The following BRD2 variants were observed in gnomAD, a reference collection of about 807,000 sequenced individuals.
The protein encoded by BRD2 is bromodomain-containing protein 2.
Under a neutral mutation model 79.1 loss-of-function variants are expected in BRD2, and 15 were observed. The observed-to-expected ratio is 0.19, with a 90% CI of 0.13 to 0.29. The LOEUF (loss-of-function observed/expected upper bound fraction) is 0.29, where lower values mean the gene tolerates loss of function less well. Among genes scored for constraint, BRD2 ranks in the 10% least tolerant of loss-of-function variants. The probability of loss-of-function intolerance (pLI) is 1.00; values close to 1 mark genes in which losing one functional copy is unlikely to be tolerated. For synonymous variants in BRD2, 488 were observed against 358.6 expected (o/e 1.36, Z -4.08); for missense variants, 1,053 against 991.3 (o/e 1.06, Z -0.84).
intron 1 of BRD2, among the ~76,000 whole-genome samples, chr6:32,969,541 CT>C (rs1292633069): frequency 6.6e-6 from 1 of 152,186 alleles, no homozygotes; most frequent in Non-Finnish European, 1.5e-5. Context: ...GCTGTGCGCC[CT>C]TTGTGTCCGC....
rs903232642 is a variant in BRD2, at chr6:32,972,722, C to T, written c.-177C>T. The T allele has an allele frequency of 3.3e-6, 3 of 908,230 alleles. No homozygotes were observed. Among genetic ancestry groups the T allele is most frequent in the African/African-American group, 3.3e-5 (2 of 60,332 alleles). 56.3% of individuals were successfully genotyped at this position (908,230 alleles called of 1,614,324 possible). ...GCGCGCCAAGCTGCCCGGAGCTCTC[C>T]GAGAGGCCCCAAAGAGACTGCTTTC... On this transcript the variant is annotated 5_prime_UTR_variant, in exon 2 of 13. Coordinates refer to ENST00000374825, the MANE Select transcript of BRD2 (RefSeq NM_005104.4).
chr6:32,979,761 T>C, intron 10 of BRD2, 67 bp from the exon 11 acceptor site: 2 of 1,522,470 alleles, frequency 1.3e-6, no homozygotes, highest in Non-Finnish European at 1.8e-6. Flanking sequence ...CACTGAATTA[T>C]AACAGTGGGA....
chr6:32,980,479 TC>T lies in BRD2; in HGVS notation c.2269+16del. 1.2e-6 allele frequency: 2 copies of T among 1,612,964 alleles called. No individual in the cohort carries two copies. Among genetic ancestry groups the T allele is most frequent in the Non-Finnish European group, 1.7e-6 (2 of 1,179,984 alleles). ...CCCCAAGAAAGGTGAGTATATACTTTCATGCCACTACAGATTGACTCCATCC... is the reference window on the plus strand; with the variant it reads ...CCCCAAGAAAGGTGAGTATATACTTTATGCCACTACAGATTGACTCCATCC... On this transcript the variant is annotated intron_variant, in intron 12 of 12. Coordinates refer to ENST00000374825, the MANE Select transcript of BRD2 (RefSeq NM_005104.4).
At chr6:32,974,821 TG>T in intron 3 of BRD2, 56 bp downstream of exon 3, 2 of 1,579,534 alleles carry the variant, frequency 1.3e-6, no homozygotes, top group Non-Finnish European at 8.6e-7. Flanking sequence ...TGCGTGTGAA[TG>T]GGGGTGGTCT....
chr6:32,972,101 G>C lies in BRD2; in HGVS notation c.-798G>C, dbSNP rs1185016659. 8.6e-6 allele frequency: 6 copies of C among 693,844 alleles called. No homozygotes were observed. The highest frequency in any genetic ancestry group is 1.6e-5 in the Non-Finnish European group (6 of 380,292). 43.0% of individuals were successfully genotyped at this position (693,844 alleles called of 1,614,324 possible). On this transcript the variant is annotated 5_prime_UTR_variant, in exon 2 of 13. Transcript: ENST00000374825. ...CCGCGTGAGCGAGCGCGCGCGCGCG[G>C]AGGGGGTGGGGAAAAGCTCAAGCAG...
In BRD2 at chr6:32,975,927, G is replaced by T. The variant is rs975604908; in HGVS notation, c.472-104G>T. The stretch of plus-strand genomic sequence containing the variant: ...TTTGATGACAAGATGACTGGTGGGG[G>T]TATGGTAATGGCCTAGGGCCTGAAT... On this transcript the variant is annotated intron_variant, in intron 4 of 12. Transcript: ENST00000374825. 1.0e-5 allele frequency: 13 copies of T among 1,277,452 alleles called. No individual in the cohort carries two copies. In the African/African-American group the frequency reaches 1.8e-4, roughly 18 times the overall value. 79.1% of individuals were successfully genotyped at this position (1,277,452 alleles called of 1,614,324 possible). A position where few individuals can be genotyped will look rare whatever the true frequency, so the allele number is the denominator to read the frequency against.
rs1561965678 is a variant in BRD2, at chr6:32,980,826, C to CA, written c.*108_*109insA. 1.5e-6 allele frequency: 2 copies of CA among 1,345,242 alleles called. No individual in the cohort carries two copies. Among genetic ancestry groups the CA allele is most frequent in the African/African-American group, 1.5e-5 (1 of 65,530 alleles). The allele number at this position is 1,345,242 out of a possible 1,614,324, so 83.3% of individuals were successfully genotyped here. A position where few individuals can be genotyped will look rare whatever the true frequency, so the allele number is the denominator to read the frequency against. On this transcript the variant is annotated 3_prime_UTR_variant, in exon 13 of 13. Transcript: ENST00000374825. ...CTGTGACACTTCTTCATCTCACCCC[C>CA]CCCCGCCCCCCTCTAGGAGAGCTGG...
intron 6 of BRD2, 40 bp downstream of exon 6, chr6:32,976,504 G>A: frequency 6.2e-7 from 1 of 1,601,600 alleles, no homozygotes; most frequent in Non-Finnish European, 8.5e-7. Flanking sequence ...AGGGAGGCAA[G>A]GGTCTTAAGT....
At chr6:32,976,505 G>A (rs750549746) in intron 6 of BRD2, 41 bp downstream of exon 6, 3 of 1,599,142 alleles carry the variant, frequency 1.9e-6, no homozygotes, top group South Asian at 1.1e-5. Flanking sequence ...GGGAGGCAAG[G>A]GTCTTAAGTA....
In BRD2 at chr6:32,974,739, G is replaced by A. The variant is rs1329109294; in HGVS notation, c.307G>A (p.Val103Met). ...HQFAWPFRQP[V>M]DAVKLGLPDY... ...GTTCGCATGGCCATTCCGGCAGCCT[G>A]TGGATGCTGTCAAACTGGGTCTACC... The change falls in exon 3 of 13, where the codon GTG becomes ATG. Residue 103 changes from valine (V) to methionine (M), a missense_variant. Transcript: ENST00000374825. 6.2e-7 allele frequency: 1 copy of A among 1,613,896 alleles called. No individual in the cohort carries two copies. The highest frequency in any genetic ancestry group is 8.5e-7 in the Non-Finnish European group (1 of 1,179,920).
intron 1 of BRD2, 101 bp downstream of exon 1, chr6:32,969,157 G>A: frequency 1.9e-6 from 1 of 539,276 alleles, no homozygotes; most frequent in Non-Finnish European, 3.4e-6. Context: ...AGAATCCTGA[G>A]AGTGGGAAGA....
In BRD2 at chr6:32,974,571, A is replaced by C; in HGVS notation, c.139A>C (p.Thr47Pro). The C allele has an allele frequency of 6.2e-7, 1 of 1,614,262 alleles. No homozygotes were observed. Among genetic ancestry groups the C allele is most frequent in the Non-Finnish European group, 8.5e-7 (1 of 1,180,044 alleles). The change falls in exon 3 of 13, where the codon ACA becomes CCA. Residue 47 changes from threonine (T) to proline (P), a missense_variant. Physicochemically the swap from Thr to Pro is conservative, Grantham distance 38 (BLOSUM62 -1). Coordinates refer to ENST00000374825, the MANE Select transcript of BRD2 (RefSeq NM_005104.4). The stretch of plus-strand genomic sequence containing the variant: ...CTTGTATGAGGGCTTTGAGAGCCCC[A>C]CAATGGCTTCGGTGCCTGCTTTGCA... ...SLLYEGFESP[T>P]MASVPALQLT...
intron 1 of BRD2, among the ~76,000 whole-genome samples, chr6:32,969,659 C>T (rs72865868): frequency 0.023 from 3,562 of 152,316 alleles, 62 homozygotes; most frequent in South Asian, 0.039. Flanking sequence ...CCTTTTGCCC[C>T]TGTAGGGTCT....
Position 32,971,667 on chromosome 6 carries a change from G to A in BRD2, c.-1232G>A, listed in dbSNP as rs904380894. 4.1e-6 allele frequency: 2 copies of A among 487,796 alleles called. No individual in the cohort carries two copies. Among genetic ancestry groups the A allele is most frequent in the Non-Finnish European group, 7.2e-6 (2 of 276,610 alleles). The allele number at this position is 487,796 out of a possible 1,614,324, so 30.2% of individuals were successfully genotyped here. ...CGTCTTGCGGCCACACCCCTGGCGG[G>A]TTCAGGCAGGCTACGCCCACGCGAC... On this transcript the variant is annotated 5_prime_UTR_variant, in exon 2 of 13. Coordinates refer to ENST00000374825, the MANE Select transcript of BRD2 (RefSeq NM_005104.4).
At chr6:32,978,647 T>C in intron 10 of BRD2, 3 of 596,108 alleles carry the variant, frequency 5.0e-6, no homozygotes, top group East Asian at 5.7e-5. Context: ...ATAAGGAGCA[T>C]GCAGCCTGGA....
Position 32,971,820 on chromosome 6 carries a change from A to G in BRD2, c.-1079A>G. On this transcript the variant is annotated 5_prime_UTR_variant, in exon 2 of 13. Coordinates refer to ENST00000374825, the MANE Select transcript of BRD2 (RefSeq NM_005104.4). The stretch of plus-strand genomic sequence containing the variant: ...CTTTGTTGGAAGGGGAGGCGGGGAG[A>G]GAGTGCTGGAGGCTCTGGGGCGATG... 2 of 650,948 alleles carry G rather than the reference A, an allele frequency of 3.1e-6. No homozygotes were observed. Among genetic ancestry groups the G allele is most frequent in the South Asian group, 1.7e-5 (1 of 60,514 alleles). 40.3% of individuals were successfully genotyped at this position (650,948 alleles called of 1,614,324 possible). A position where few individuals can be genotyped will look rare whatever the true frequency, so the allele number is the denominator to read the frequency against.
intron 1 of BRD2, chr6:32,970,484 T>A (rs139285716): frequency 6.5e-6 from 1 of 153,748 alleles, no homozygotes; most frequent in African/African-American, 2.4e-5. Flanking sequence ...TGGTTGCAGC[T>A]CAAGGACCTA....
At chr6:32,969,889 C>A (rs749016438) in intron 1 of BRD2, among the ~76,000 whole-genome samples, 1 of 152,174 alleles carries the variant, frequency 6.6e-6, no homozygotes, top group South Asian at 2.1e-4. Context: ...CTCATCCCCT[C>A]CCCCAGTCCT....
intron 2 of BRD2, 87 bp downstream of exon 2, chr6:32,973,014 G>T: frequency 1.2e-6 from 2 of 1,613,126 alleles, no homozygotes; most frequent in South Asian, 2.2e-5. Context: ...AGTACTGAGC[G>T]GCCCCGGCGC....
Sources: allele counts gnomAD v4.1 joint callset (sites outside exome capture counted in the v4.1 genomes callset), GRCh38; gene constraint gnomAD v4.1.1; transcripts MANE v1.5; gene names NCBI Gene and HGNC (gene_info 2026-07-23, HGNC 2026-07-21).